TRAPPC9: variants seen among roughly 807,000 people sequenced by gnomAD.
TRAPPC9 encodes the protein trafficking protein particle complex subunit 9.
Under a neutral mutation model 124.0 loss-of-function variants are expected in TRAPPC9, and 83 were observed. The ratio of observed to expected loss-of-function variants is 0.67; its 90% CI spans 0.56 to 0.80. The LOEUF (loss-of-function observed/expected upper bound fraction) is 0.80, where lower values mean the gene tolerates loss of function less well. TRAPPC9 is among the 30% of genes least tolerant of loss of function. The pLI, the probability that TRAPPC9 is intolerant of heterozygous loss-of-function variation, is 0.00. For synonymous variants in TRAPPC9, 638 were observed against 617.5 expected (o/e 1.03, Z -0.49); for missense variants, 1,302 against 1,508.3 (o/e 0.86, Z 2.27).
rs1563783120 is a variant in TRAPPC9, at chr8:140,129,005, T to TTAA, written c.2556+92453_2556+92454insTTA. Among the ~76,000 whole-genome samples the TTAA allele has an allele frequency of 9.3e-4, 125 of 134,722 alleles. 1 individual carries two copies. Among genetic ancestry groups the TTAA allele is most frequent in the African/African-American group, 3.3e-3 (119 of 35,974 alleles). 88.4% of individuals were successfully genotyped at this position (134,722 alleles called of 152,430 possible). ...TATATATACATATATATATATATAT[T>TTAA]AAAAAAAAAAAGAAGACTCCTCTCC... On this transcript the variant is annotated intron_variant, in intron 17 of 22. Coordinates refer to ENST00000438773, the MANE Select transcript of TRAPPC9 (RefSeq NM_001160372.4).
chr8:140,347,393 TG>T (rs2067381983), intron 9 of TRAPPC9, among the ~76,000 whole-genome samples: 1 of 152,228 alleles, frequency 6.6e-6, no homozygotes, highest in African/African-American at 2.4e-5. Flanking sequence ...ATCCTATCTA[TG>T]TGTGCATATG....
intron 17 of TRAPPC9, among the ~76,000 whole-genome samples, chr8:140,198,998 C>A (rs1483155152): frequency 6.6e-6 from 1 of 152,154 alleles, no homozygotes; most frequent in Non-Finnish European, 1.5e-5. Context: ...GCGGCAACAC[C>A]CGGCACAGGG....
chr8:140,438,670 G>A (rs560489877), intron 3 of TRAPPC9, among the ~76,000 whole-genome samples: 16 of 152,112 alleles, frequency 1.1e-4, no homozygotes, highest in East Asian at 5.8e-4. Flanking sequence ...TTCTTCTGCC[G>A]TTTCCTCTCA....
At chr8:139,961,820 G>A (rs2131563642) in intron 19 of TRAPPC9, among the ~76,000 whole-genome samples, 1 of 124,020 alleles carries the variant, frequency 8.1e-6, no homozygotes, top group Non-Finnish European at 1.9e-5. Flanking sequence ...TTCCTCGCCT[G>A]TGAGGTTTAT....
chr8:139,844,084 G>T (rs1397656452), intron 21 of TRAPPC9, among the ~76,000 whole-genome samples: 1 of 152,178 alleles, frequency 6.6e-6, no homozygotes, highest in Non-Finnish European at 1.5e-5. Context: ...CGGCTTCCCA[G>T]AGACCCATCT....
At chr8:140,445,707 C>G (rs1450377152) in intron 2 of TRAPPC9, among the ~76,000 whole-genome samples, 1 of 152,236 alleles carries the variant, frequency 6.6e-6, no homozygotes, top group Non-Finnish European at 1.5e-5. Context: ...TTCCACCACC[C>G]TAGAATGTGA....
intron 17 of TRAPPC9, among the ~76,000 whole-genome samples, chr8:140,149,343 G>A (rs1352544663): frequency 6.6e-6 from 1 of 152,200 alleles, no homozygotes; most frequent in African/African-American, 2.4e-5. Context: ...CCCGGGGCCA[G>A]GTGTGGTGGC....
intron 17 of TRAPPC9, among the ~76,000 whole-genome samples, chr8:140,155,514 G>A (rs1322961091): frequency 6.6e-6 from 1 of 152,226 alleles, no homozygotes; most frequent in African/African-American, 2.4e-5. Flanking sequence ...AAGAGATGCA[G>A]AGAAGATCCA....
intron 16 of TRAPPC9, among the ~76,000 whole-genome samples, chr8:140,239,042 A>T (rs930735954): frequency 6.6e-6 from 1 of 152,138 alleles, no homozygotes. Context: ...GGGAAGAGGG[A>T]GCAGGCCCCG....
At chr8:140,215,041 C>G (rs1168404615) in intron 17 of TRAPPC9, among the ~76,000 whole-genome samples, 2 of 152,202 alleles carry the variant, frequency 1.3e-5, no homozygotes, top group African/African-American at 4.8e-5. Flanking sequence ...GATGTCCCCA[C>G]AGACAGCACT....
At chr8:140,032,846 C>T (rs920738488) in intron 17 of TRAPPC9, among the ~76,000 whole-genome samples, 1 of 152,200 alleles carries the variant, frequency 6.6e-6, no homozygotes, top group African/African-American at 2.4e-5. Context: ...CACATGTTAA[C>T]AGCCATGCTT....
chr8:140,349,676 C>T (rs944507370), intron 9 of TRAPPC9, among the ~76,000 whole-genome samples: 1 of 152,164 alleles, frequency 6.6e-6, no homozygotes, highest in Non-Finnish European at 1.5e-5. Context: ...GCGCTTGTGC[C>T]ATGGGCTTTG....
chr8:140,311,299 G>C lies in TRAPPC9; in HGVS notation c.1571C>G (p.Pro524Arg). The change falls in exon 10 of 23, where the codon CCT (proline) becomes CGT (arginine). Residue 524 changes from proline (P) to arginine (R), a missense_variant. Physicochemically the swap from Pro to Arg is moderately radical, Grantham distance 103 (BLOSUM62 -2). Coordinates refer to ENST00000438773, the MANE Select transcript of TRAPPC9 (RefSeq NM_001160372.4). ...CACCGGTGGCAGGGTGAGGCCGCCA[G>C]GGAGGGCGATGGGCTCCATGGTCCC... ...CPGTMEPIAL[P>R]GGLTLPPVPF... The C allele has an allele frequency of 1.9e-6, 3 of 1,613,768 alleles. No individual in the cohort carries two copies. Among genetic ancestry groups the C allele is most frequent in the Non-Finnish European group, 2.5e-6 (3 of 1,180,012 alleles).
intron 19 of TRAPPC9, among the ~76,000 whole-genome samples, chr8:139,958,991 A>ATTCCGAGTCACACGGGGGAGGC (rs1835192793): frequency 3.0e-5 from 1 of 33,598 alleles, no homozygotes; most frequent in Admixed American, 2.5e-4. Context: ...ACGGGGGAGC[A>ATTCCGAGTCACACGGGGGAGGC]CTGCATTCCG....
intron 17 of TRAPPC9, among the ~76,000 whole-genome samples, chr8:140,200,477 C>A (rs946429860): frequency 2.0e-5 from 3 of 152,060 alleles, no homozygotes; most frequent in Non-Finnish European, 4.4e-5. Flanking sequence ...AATGGAGAAA[C>A]CTGGCAAACA....
At chr8:140,347,050 C>A (rs964845914) in intron 9 of TRAPPC9, among the ~76,000 whole-genome samples, 22 of 152,330 alleles carry the variant, frequency 1.4e-4, no homozygotes, top group African/African-American at 5.1e-4. Context: ...CAGCATCCCA[C>A]CCATAGCTCC....
intron 12 of TRAPPC9, among the ~76,000 whole-genome samples, chr8:140,289,178 T>TA (rs2065579376): frequency 0.027 from 470 of 17,254 alleles, 6 homozygotes; most frequent in African/African-American, 0.18. Context: ...ATATATAGTG[T>TA]GTGTGTGTGT....
intron 14 of TRAPPC9, 74 bp downstream of exon 14, chr8:140,283,815 T>TAAAA: frequency 2.2e-6 from 3 of 1,375,140 alleles, no homozygotes; most frequent in Middle Eastern, 1.9e-4. Context: ...TTTGTGCCAT[T>TAAAA]AAAAAAAAAA....
chr8:139,729,242 TG>T lies in TRAPPC9; in HGVS notation c.*1818del, dbSNP rs1817689384. On this transcript the variant is annotated 3_prime_UTR_variant, in exon 23 of 23. Coordinates refer to ENST00000438773, the MANE Select transcript of TRAPPC9 (RefSeq NM_001160372.4). ...TCTGAGGCATAGAAAATTTATAATT[TG>T]GGGGGACATTGTCTACACAAGTGAG... Among the ~76,000 whole-genome samples the T allele has an allele frequency of 6.6e-6, 1 of 152,228 alleles. No individual in the cohort carries two copies. Among genetic ancestry groups the T allele is most frequent in the Non-Finnish European group, 1.5e-5 (1 of 68,040 alleles).
Sources: allele counts gnomAD v4.1 joint callset (sites outside exome capture counted in the v4.1 genomes callset), GRCh38; gene constraint gnomAD v4.1.1; transcripts MANE v1.5; gene names NCBI Gene and HGNC (gene_info 2026-07-23, HGNC 2026-07-21).